LINGO2: variants seen among roughly 807,000 people sequenced by gnomAD.
LINGO2 encodes leucine-rich repeat and immunoglobulin-like domain-containing nogo receptor-interacting protein 2.
A neutral mutation model predicts 30.6 loss-of-function variants in LINGO2; 14 were observed. The observed-to-expected ratio is 0.46, with a 90% CI of 0.30 to 0.72. The LOEUF (loss-of-function observed/expected upper bound fraction) is 0.72. Ranked by LOEUF, LINGO2 falls within the 30% of genes least tolerant of loss-of-function variation. LINGO2 has a pLI of 0.07. For synonymous variants in LINGO2, 317 were observed against 288.5 expected (o/e 1.10, Z -1.00); for missense variants, 729 against 751.7 (o/e 0.97, Z 0.35).
chr9:28,101,489 C>T lies in LINGO2; in HGVS notation c.-86-89084G>A, dbSNP rs2133313995. Reference sequence around the variant, plus strand: ...TAATTTCTTGCTATTGTCAATGCTGCACAGCCTAATACCTCACAGTGTGAA... The same window carrying T: ...TAATTTCTTGCTATTGTCAATGCTGTACAGCCTAATACCTCACAGTGTGAA... On this transcript the variant is annotated intron_variant, in intron 4 of 5. Coordinates refer to ENST00000379992, the Ensembl canonical transcript of LINGO2. Among the ~76,000 whole-genome samples the T allele has an allele frequency of 2.0e-5, 3 of 152,332 alleles. No homozygotes were observed. In the South Asian group the frequency reaches 6.2e-4, roughly 32 times the overall value.
At chr9:28,474,804 G>A (rs909715916) in intron 2 of LINGO2, among the ~76,000 whole-genome samples, 4 of 152,114 alleles carry the variant, frequency 2.6e-5, no homozygotes, top group Non-Finnish European at 5.9e-5. Context: ...TCAGGCTGGT[G>A]TCAATTTGCA....
chr9:28,887,878 C>T, the LINGO2 span, among the ~76,000 whole-genome samples: 645 of 152,096 alleles, frequency 4.2e-3, 5 homozygotes, highest in African/African-American at 0.014. Context: ...AAATAAGCTC[C>T]AACTGGATTT....
At chr9:29,132,382 C>CTGAT in the LINGO2 span, among the ~76,000 whole-genome samples, 3 of 152,254 alleles carry the variant, frequency 2.0e-5, no homozygotes, top group Non-Finnish European at 2.9e-5. Context: ...GAAAGTGCCT[C>CTGAT]TGATTGGTCC....
chr9:28,934,224 T>G, the LINGO2 span, among the ~76,000 whole-genome samples: 1 of 152,342 alleles, frequency 6.6e-6, no homozygotes, highest in Non-Finnish European at 1.5e-5. Flanking sequence ...GTTACACTGG[T>G]TTATGCTGAT....
the LINGO2 span, among the ~76,000 whole-genome samples, chr9:28,883,732 C>T: frequency 6.3e-5 from 9 of 143,378 alleles, no homozygotes; most frequent in Admixed American, 5.0e-4. Flanking sequence ...GGCTGAAGTG[C>T]AGTGGCATGA....
the LINGO2 span, among the ~76,000 whole-genome samples, chr9:28,923,814 A>G: frequency 1.3e-5 from 2 of 152,182 alleles, no homozygotes; most frequent in Non-Finnish European, 2.9e-5. Context: ...AAATAGGCCA[A>G]TTATTAACTA....
At chr9:29,040,332 G>A in the LINGO2 span, among the ~76,000 whole-genome samples, 3 of 151,972 alleles carry the variant, frequency 2.0e-5, no homozygotes, top group African/African-American at 7.2e-5. Flanking sequence ...TAAATTATGA[G>A]CTGAAATTAT....
chr9:28,286,364 G>A (rs1283371158), intron 4 of LINGO2, among the ~76,000 whole-genome samples: 1 of 152,152 alleles, frequency 6.6e-6, no homozygotes, highest in African/African-American at 2.4e-5. Context: ...ATTAGAGGAA[G>A]TTTAAATTCG....
intron 4 of LINGO2, among the ~76,000 whole-genome samples, chr9:28,280,672 A>C (rs1043515882): frequency 2.6e-5 from 4 of 152,108 alleles, no homozygotes; most frequent in Non-Finnish European, 4.4e-5. Context: ...ATGGTTGGTT[A>C]TGCATTTCAG....
At chr9:28,093,769 T>C (rs1439925159) in intron 4 of LINGO2, among the ~76,000 whole-genome samples, 1 of 152,024 alleles carries the variant, frequency 6.6e-6, no homozygotes, top group African/African-American at 2.4e-5. Context: ...TGTGGCAGAC[T>C]GAGCCACGAG....
At chr9:28,760,130 G>A in the LINGO2 span, among the ~76,000 whole-genome samples, 1 of 152,032 alleles carries the variant, frequency 6.6e-6, no homozygotes, top group African/African-American at 2.4e-5. Context: ...AAAAGAATTT[G>A]TTTTATGAAA....
chr9:29,138,348 A>G, the LINGO2 span, among the ~76,000 whole-genome samples: 1 of 152,126 alleles, frequency 6.6e-6, no homozygotes, highest in Non-Finnish European at 1.5e-5. Context: ...TAGACCCAAA[A>G]GTACATTCCT....
intron 1 of LINGO2, among the ~76,000 whole-genome samples, chr9:28,490,824 C>T (rs976123526): frequency 1.3e-5 from 2 of 152,050 alleles, no homozygotes; most frequent in South Asian, 2.1e-4. Flanking sequence ...GATTATTGTA[C>T]ATAATTTATC....
At chr9:28,949,042 T>G in the LINGO2 span, among the ~76,000 whole-genome samples, 2 of 152,054 alleles carry the variant, frequency 1.3e-5, no homozygotes, top group African/African-American at 4.8e-5. Flanking sequence ...TATTTCCCCT[T>G]CAACAGAAGC....
At position 28,043,274 on chromosome 9, in the gene LINGO2, T is replaced by TG. The variant is rs536743763; in HGVS notation, c.-86-30870dup. Among the ~76,000 whole-genome samples, 57 of 152,358 alleles carry TG rather than the reference T, an allele frequency of 3.7e-4. No individual in the cohort carries two copies. The East Asian group carries it at 9.6e-3, about 26-fold the overall frequency. Reference sequence around the variant, plus strand: ...GGTAAGAAGTGGAATAACAAGGCTCTGGCAAGGCCTGTTTCAGACAGCCAT... The same window carrying TG: ...GGTAAGAAGTGGAATAACAAGGCTCTGGGCAAGGCCTGTTTCAGACAGCCAT... On this transcript the variant is annotated intron_variant, in intron 4 of 5. Transcript: ENST00000379992.
At chr9:29,101,281 T>G in the LINGO2 span, among the ~76,000 whole-genome samples, 12 of 152,286 alleles carry the variant, frequency 7.9e-5, no homozygotes, top group African/African-American at 2.9e-4. Flanking sequence ...GGGGAGAAAC[T>G]ACAACCTATA....
chr9:29,078,491 A>T, the LINGO2 span, among the ~76,000 whole-genome samples: 65 of 152,062 alleles, frequency 4.3e-4, no homozygotes, highest in South Asian at 9.7e-3. Context: ...CTACTCTTTG[A>T]CTTGAATAAA....
At chr9:28,466,291 G>A (rs531280212) in intron 2 of LINGO2, among the ~76,000 whole-genome samples, 1 of 152,188 alleles carries the variant, frequency 6.6e-6, no homozygotes, top group Non-Finnish European at 1.5e-5. Context: ...CCATAAAAAA[G>A]ATGGCTGATC....
chr9:28,728,761 A>T, the LINGO2 span, among the ~76,000 whole-genome samples: 1 of 152,126 alleles, frequency 6.6e-6, no homozygotes, highest in East Asian at 1.9e-4. Context: ...AAATGTTGGG[A>T]ACTCAAAGAA....
Sources: allele counts gnomAD v4.1 joint callset (sites outside exome capture counted in the v4.1 genomes callset), GRCh38; gene constraint gnomAD v4.1.1; transcripts MANE v1.5; gene names NCBI Gene and HGNC (gene_info 2026-07-23, HGNC 2026-07-21).